FBXW11: variants seen among roughly 807,000 people sequenced by gnomAD.
FBXW11 encodes F-box and WD repeat domain containing 11.
FBXW11 carries 19 observed loss-of-function variants against 77.6 expected under a neutral mutation model. The ratio of observed to expected loss-of-function variants is 0.24; its 90% CI spans 0.17 to 0.36. FBXW11 has a LOEUF of 0.36. Among genes scored for constraint, FBXW11 ranks in the 10% least tolerant of loss-of-function variants. FBXW11 has a pLI of 1.00. For synonymous variants in FBXW11, 235 were observed against 249.4 expected (o/e 0.94, Z 0.54); for missense variants, 334 against 704.2 (o/e 0.47, Z 5.95).
chr5:171,967,693 G>A (rs535323923), intron 1 of FBXW11, among the ~76,000 whole-genome samples: 1 of 151,930 alleles, frequency 6.6e-6, no homozygotes, highest in Admixed American at 6.6e-5. Context: ...TACAAAATTA[G>A]CTGGGTGTAG....
intron 7 of FBXW11, among the ~76,000 whole-genome samples, chr5:171,882,328 T>C (rs1405173122): frequency 6.6e-6 from 1 of 152,132 alleles, no homozygotes; most frequent in East Asian, 1.9e-4. Flanking sequence ...GGAGAGAAAG[T>C]CTCACACCGT....
chr5:171,931,428 G>A (rs1296265798), intron 2 of FBXW11, among the ~76,000 whole-genome samples: 1 of 152,136 alleles, frequency 6.6e-6, no homozygotes, highest in Non-Finnish European at 1.5e-5. Flanking sequence ...GTGGAGCAAA[G>A]TCAATACGAT....
intron 1 of FBXW11, among the ~76,000 whole-genome samples, chr5:171,966,523 C>T (rs1026052441): frequency 3.9e-5 from 6 of 152,154 alleles, no homozygotes; most frequent in African/African-American, 1.2e-4. Flanking sequence ...AATCTATTTC[C>T]GGCATAGCCA....
intron 9 of FBXW11, among the ~76,000 whole-genome samples, chr5:171,874,782 C>A (rs893569862): frequency 3.4e-5 from 5 of 146,110 alleles, no homozygotes; most frequent in African/African-American, 1.3e-4. Flanking sequence ...AAAAAAGGGC[C>A]GGGCCTGGTA....
In FBXW11 at chr5:171,876,737, T is replaced by C. The variant is rs1421249256; in HGVS notation, c.972-203A>G. ...GTCATGGTGGTGTATCACTCATGAA[T>C]GGCTTGGTGCCATTCTCATAGGAGG... On this transcript the variant is annotated intron_variant, in intron 8 of 13. Transcript: ENST00000517395. The surrounding 1 kb of genome is among the most constrained non-coding windows in gnomAD (Gnocchi z 4.2). Among the ~76,000 whole-genome samples the C allele has an allele frequency of 6.6e-6, 1 of 152,194 alleles. No homozygotes were observed. The highest frequency in any genetic ancestry group is 1.5e-5 in the Non-Finnish European group (1 of 68,024).
intron 5 of FBXW11, 82 bp downstream of exon 5, chr5:171,899,832 A>G: frequency 8.0e-7 from 1 of 1,249,806 alleles, no homozygotes; most frequent in Admixed American, 2.4e-5. Context: ...CACATTTGCA[A>G]GTATAATTGC....
At chr5:171,958,341 AG>A (rs1763724519) in intron 1 of FBXW11, among the ~76,000 whole-genome samples, 1 of 152,194 alleles carries the variant, frequency 6.6e-6, no homozygotes, top group Non-Finnish European at 1.5e-5. Flanking sequence ...ATGTGAGTAA[AG>A]TTTTGCACCT....
chr5:171,999,192 A>G (rs1766261778), intron 1 of FBXW11, among the ~76,000 whole-genome samples: 1 of 152,200 alleles, frequency 6.6e-6, no homozygotes, highest in African/African-American at 2.4e-5. Context: ...ATTTTGACAG[A>G]AGTAGCTAGG....
chr5:171,971,900 C>A (rs1764551918), intron 1 of FBXW11, among the ~76,000 whole-genome samples: 1 of 151,960 alleles, frequency 6.6e-6, no homozygotes, highest in Non-Finnish European at 1.5e-5. Flanking sequence ...GGGAAAATCA[C>A]CTGAGCCTGG....
chr5:171,971,916 C>T (rs1216380086), intron 1 of FBXW11, among the ~76,000 whole-genome samples: 1 of 151,666 alleles, frequency 6.6e-6, no homozygotes. Context: ...CCTGGGAAGT[C>T]GAGGCTGCAG....
intron 1 of FBXW11, among the ~76,000 whole-genome samples, chr5:171,964,997 T>C (rs1264133252): frequency 6.6e-6 from 1 of 151,964 alleles, no homozygotes; most frequent in Non-Finnish European, 1.5e-5. Context: ...CTGGGATATA[T>C]GTTAAGGGAA....
chr5:171,982,046 G>A (rs1349282897), intron 1 of FBXW11, among the ~76,000 whole-genome samples: 2 of 152,118 alleles, frequency 1.3e-5, no homozygotes, highest in Non-Finnish European at 1.5e-5. Flanking sequence ...GGGGAACAGG[G>A]AAGTTTTTTG....
intron 4 of FBXW11, among the ~76,000 whole-genome samples, chr5:171,909,369 G>A (rs1760739783): frequency 6.6e-6 from 1 of 152,208 alleles, no homozygotes; most frequent in South Asian, 2.1e-4. Context: ...GTGGAGCACA[G>A]TGAAACCATT....
At chr5:171,864,963 CAAA>C (rs1281081433) in intron 13 of FBXW11, among the ~76,000 whole-genome samples, 14 of 66,276 alleles carry the variant, frequency 2.1e-4, no homozygotes, top group Admixed American at 6.7e-4. Context: ...CCTTAGGTGG[CAAA>C]AAAAAAAAAA....
intron 1 of FBXW11, among the ~76,000 whole-genome samples, chr5:171,975,207 A>C (rs548050201): frequency 6.6e-5 from 10 of 152,354 alleles, no homozygotes; most frequent in Non-Finnish European, 8.8e-5. Context: ...TAGCTGTGAA[A>C]TTACTAAATA....
intron 3 of FBXW11, 119 bp downstream of exon 3, chr5:171,914,224 A>C: frequency 1.2e-6 from 1 of 816,332 alleles, no homozygotes; most frequent in Non-Finnish European, 1.9e-6. Flanking sequence ...TGAAACTAGC[A>C]AAACTGCACA....
At chr5:171,916,914 G>GT (rs573907431) in intron 2 of FBXW11, among the ~76,000 whole-genome samples, 2 of 151,922 alleles carry the variant, frequency 1.3e-5, no homozygotes, top group African/African-American at 4.8e-5. Context: ...TTTTTGTGGG[G>GT]TTTTTTTGTT....
At chr5:171,953,203 G>A (rs973666214) in intron 2 of FBXW11, among the ~76,000 whole-genome samples, 2 of 152,006 alleles carry the variant, frequency 1.3e-5, no homozygotes, top group Non-Finnish European at 2.9e-5. Context: ...GCTATGTTGC[G>A]AAGGCTGGTC....
Position 171,957,717 on chromosome 5 carries a change from G to C in FBXW11, c.46-19C>G. 6.2e-7 allele frequency: 1 copy of C among 1,606,594 alleles called. No homozygotes were observed. Among genetic ancestry groups the C allele is most frequent in the South Asian group, 1.1e-5 (1 of 90,914 alleles). On this transcript the variant is annotated intron_variant, in intron 1 of 13. Coordinates refer to ENST00000517395, the MANE Select transcript of FBXW11 (RefSeq NM_001378974.1). ...CAGAACACTGCAGGATGACAAAAAG[G>C]AAGGAAGAGAAGAAGCAGTTAGAGG...
Sources: gnomAD v4.1 joint callset for allele counts (sites outside exome capture counted in the v4.1 genomes callset) on GRCh38, gnomAD v4.1.1 for gene constraint, Gnocchi (gnomAD v3.1) non-coding constraint, MANE v1.5 for transcripts, NCBI Gene and HGNC (gene_info 2026-07-23, HGNC 2026-07-21) for gene names.